Variants in EEF2 observed in about 807,000 individuals in gnomAD.
The protein encoded by EEF2 is elongation factor 2.
EEF2 carries 21 observed loss-of-function variants against 85.3 expected under a neutral mutation model. The ratio of observed to expected loss-of-function variants is 0.25; its 90% CI spans 0.17 to 0.35. The LOEUF is 0.35. Ranked by LOEUF, EEF2 falls within the 10% of genes least tolerant of loss-of-function variation. The probability of loss-of-function intolerance (pLI) is 1.00; values close to 1 mark genes in which losing one functional copy is unlikely to be tolerated. For synonymous variants in EEF2, 723 were observed against 508.8 expected (o/e 1.42, Z -5.67); for missense variants, 825 against 1,225.3 (o/e 0.67, Z 4.88).
intron 7 of EEF2, 22 bp downstream of exon 7, chr19:3,981,317 G>C (rs747163160): frequency 2.5e-6 from 4 of 1,609,758 alleles, no homozygotes; most frequent in Admixed American, 1.7e-5. Context: ...CCTCCACCCC[G>C]AGGGCTGGGC....
intron 1 of EEF2, chr19:3,984,797 G>A (rs993339454): frequency 1.0e-5 from 2 of 190,504 alleles, no homozygotes; most frequent in Non-Finnish European, 2.2e-5. Flanking sequence ...ACCCACCCCA[G>A]GAAATAACGG....
rs554759973 is a variant in EEF2 at position 3,982,646 on chromosome 19, G to C, written c.612+161C>G. On this transcript the variant is annotated intron_variant, in intron 4 of 14. Coordinates refer to ENST00000309311, the MANE Select transcript of EEF2 (RefSeq NM_001961.4). ...CTCTTCCAGCTGCCCAAAGATCAAGGGCTGGGTCAAGTCGGATGAAAACAT... is the reference window on the plus strand; with the variant it reads ...CTCTTCCAGCTGCCCAAAGATCAAGCGCTGGGTCAAGTCGGATGAAAACAT... The C allele has an allele frequency of 1.5e-5, 17 of 1,106,578 alleles. 1 individual carries two copies. The East Asian group carries it at 3.6e-4, about 23-fold the overall frequency. The allele number at this position is 1,106,578 out of a possible 1,614,324, so 68.5% of individuals were successfully genotyped here. A position where few individuals can be genotyped will look rare whatever the true frequency, so the allele number is the denominator to read the frequency against.
Position 3,978,038 on chromosome 19 carries a change from G to A in EEF2, c.1848C>T (p.Asp616=), listed in dbSNP as rs2039698914. The stretch of plus-strand genomic sequence containing the variant: ...GGGCGGACACCTCGCCTTTATCGAT[G>A]TCCTCGGCCAGGCCGTCGGGGAAGG... ...ARPFPDGLAE[D]IDKGEVSARQ... The change falls in exon 12 of 15, where the codon GAC becomes GAT. Residue 616 remains aspartate (D), a synonymous_variant. Transcript: ENST00000309311. 15 of 1,600,666 alleles carry A rather than the reference G, an allele frequency of 9.4e-6. No individual in the cohort carries two copies. The highest frequency in any genetic ancestry group is 1.2e-5 in the Non-Finnish European group (14 of 1,171,028).
At chr19:3,983,875 G>A (rs901178139) in intron 2 of EEF2, 4 of 526,904 alleles carry the variant, frequency 7.6e-6, no homozygotes, top group African/African-American at 1.9e-5. Context: ...AGATATTGTA[G>A]GAGTGGGGGC....
rs374419016 is a variant in EEF2, at chr19:3,979,836, C to T, written c.1577G>A (p.Arg526Gln). 1 of 1,613,638 alleles carries T rather than the reference C, an allele frequency of 6.2e-7. No individual in the cohort carries two copies. The highest frequency in any genetic ancestry group is 2.2e-5 in the East Asian group (1 of 44,878). Residue 526 changes from arginine (R) to glutamine (Q), a missense_variant, in exon 10 of 15, where the codon CGG becomes CAG. By Grantham distance (43) the Arg-to-Gln change is conservative. Transcript: ENST00000309311. ...CACCATGGGGTCGGACTTGGCCAGC[C>T]GCTTCAGCCCCTCCACCAGCTTGGG... ...DLPKLVEGLK[R>Q]LAKSDPMVQC...
rs2145356561 is a variant in EEF2 at position 3,977,837 on chromosome 19, G to A, written c.2049C>T (p.Phe683=). 1 of 1,587,438 alleles carries A rather than the reference G, an allele frequency of 6.3e-7. No homozygotes were observed. Among genetic ancestry groups the A allele is most frequent in the East Asian group, 2.3e-5 (1 of 44,262 alleles). The part of the protein sequence containing the change: ...NEIKDSVVAG[F]QWATKEGALC... ...GCCTCACCTCCTTGGTGGCCCACTG[G>A]AAGCCGGCCACCACACTGTCCTTGA... The change falls in exon 12 of 15, where the codon TTC becomes TTT. Residue 683 remains phenylalanine, a synonymous_variant. Transcript: ENST00000309311. This position sits in a 1 kb window ranked among gnomAD's most constrained non-coding sequence, Gnocchi z 5.4.
intron 1 of EEF2, among the ~76,000 whole-genome samples, 189 bp from the exon 2 acceptor site, chr19:3,984,539 C>G (rs992793283): frequency 1.3e-5 from 2 of 152,204 alleles, no homozygotes; most frequent in Non-Finnish European, 2.9e-5. Context: ...AAGGAACCAC[C>G]GTTAATAGGT....
At chr19:3,979,467 G>A (rs1327628297) in intron 10 of EEF2, 31 bp from the exon 11 acceptor site, 6 of 1,592,782 alleles carry the variant, frequency 3.8e-6, no homozygotes, top group Admixed American at 3.4e-5. Context: ...CACCAAAGGG[G>A]TAGGCGGCTC....
At chr19:3,981,513 C>T in intron 6 of EEF2, 61 bp from the exon 7 acceptor site, 2 of 1,471,734 alleles carry the variant, frequency 1.4e-6, no homozygotes, top group Non-Finnish European at 9.5e-7. Context: ...AAGCCTGGCA[C>T]TGCTTCCTGC....
In EEF2 at chr19:3,980,191, C is replaced by T. The variant is rs2039727718; in HGVS notation, c.1347-125G>A. On this transcript the variant is annotated intron_variant, in intron 9 of 14. Transcript: ENST00000309311. ...GGTCCCAGGGCAGACTGGTGGCTTCCACAAGGCCCTGACTGCTGCGTCGGG... is the reference window on the plus strand; with the variant it reads ...GGTCCCAGGGCAGACTGGTGGCTTCTACAAGGCCCTGACTGCTGCGTCGGG... 6 of 1,369,334 alleles carry T rather than the reference C, an allele frequency of 4.4e-6. No individual in the cohort carries two copies. In the South Asian group the frequency reaches 7.1e-5, roughly 16 times the overall value. The allele number at this position is 1,369,334 out of a possible 1,614,324, so 84.8% of individuals were successfully genotyped here.
Position 3,980,716 on chromosome 19 carries a change from G to A in EEF2, c.1151-7C>T, listed in dbSNP as rs200181170. 1.6e-3 allele frequency: 2,521 copies of A among 1,611,430 alleles called. 1 individual carries two copies. Among genetic ancestry groups the A allele is most frequent in the Non-Finnish European group, 2.0e-3 (2,366 of 1,178,046 alleles). On this transcript the variant is annotated splice_region_variant and splice_polypyrimidine_tract_variant and intron_variant, in intron 8 of 14. Coordinates refer to ENST00000309311, the MANE Select transcript of EEF2 (RefSeq NM_001961.4). ...GGGTCACAGCTTTTAATGCCTGAGG[G>A]ACAGAGAAAACCCGCAAGCTTTATT...
intron 5 of EEF2, 96 bp from the exon 6 acceptor site, chr19:3,982,148 T>G: frequency 6.3e-7 from 1 of 1,597,168 alleles, no homozygotes; most frequent in Non-Finnish European, 8.6e-7. Context: ...CAAGACCTGG[T>G]GGGCTTGAGC....
In EEF2 at chr19:3,978,271, A is replaced by G. The variant is rs374243613; in HGVS notation, c.1714-99T>C. On this transcript the variant is annotated intron_variant, in intron 11 of 14. Transcript: ENST00000309311. ...CTTTTCCTAGCAAGGCGGACCTCAT[A>G]CAGCCTGGTAGAGCCACGTCAATCA... 11 of 1,051,430 alleles carry G rather than the reference A, an allele frequency of 1.0e-5. No individual in the cohort carries two copies. The African/African-American group carries it at 1.4e-4, about 14-fold the overall frequency. The allele number at this position is 1,051,430 out of a possible 1,614,324, so 65.1% of individuals were successfully genotyped here.
At chr19:3,984,993 G>A (rs1196550613) in intron 1 of EEF2, 9 of 269,514 alleles carry the variant, frequency 3.3e-5, no homozygotes, top group Non-Finnish European at 5.6e-5. Context: ...ATTCCCTGCC[G>A]CCCCTAGTCC....
At chr19:3,981,536 G>C in intron 6 of EEF2, 84 bp from the exon 7 acceptor site, 1 of 1,281,598 alleles carries the variant, frequency 7.8e-7, no homozygotes, top group Non-Finnish European at 1.1e-6. Context: ...GGAAGACTCA[G>C]GTCAGCGCAG....
In EEF2 at chr19:3,976,286, G is replaced by C. The variant is rs948653556; in HGVS notation, c.*268C>G. 21 of 437,158 alleles carry C rather than the reference G, an allele frequency of 4.8e-5. No homozygotes were observed. In the Admixed American group the frequency reaches 8.2e-4, roughly 17 times the overall value. 27.1% of individuals were successfully genotyped at this position (437,158 alleles called of 1,614,324 possible). A position where few individuals can be genotyped will look rare whatever the true frequency, so the allele number is the denominator to read the frequency against. On this transcript the variant is annotated 3_prime_UTR_variant, in exon 15 of 15. Transcript: ENST00000309311. Reference sequence around the variant, plus strand: ...CTCTGAAGAAATGGAAAAAGTGTTGGGTGTCCCATCCCGCCTCCCCCTCCC... The same window carrying C: ...CTCTGAAGAAATGGAAAAAGTGTTGCGTGTCCCATCCCGCCTCCCCCTCCC...
At position 3,980,070 on chromosome 19, in the gene EEF2, G is replaced by C; in HGVS notation, c.1347-4C>G. ...GCGGCCCATCATCAAGATTGTTCTG[G>C]AAGAAGCAGAAGGCGGCAGCAGGCC... On this transcript the variant is annotated splice_region_variant and splice_polypyrimidine_tract_variant and intron_variant, in intron 9 of 14. Transcript: ENST00000309311. The C allele has an allele frequency of 6.2e-7, 1 of 1,610,214 alleles. No homozygotes were observed. Among genetic ancestry groups the C allele is most frequent in the East Asian group, 2.2e-5 (1 of 44,812 alleles).
rs778684403 is a variant in EEF2 at position 3,981,947 on chromosome 19, C to T, written c.897G>A (p.Lys299=). 5.6e-6 allele frequency: 9 copies of T among 1,613,832 alleles called. No individual in the cohort carries two copies. Among genetic ancestry groups the T allele is most frequent in the African/African-American group, 1.3e-5 (1 of 75,072 alleles). Residue 299 remains lysine, a splice_region_variant and synonymous_variant, in exon 6 of 15, where the codon AAG becomes AAA. Coordinates refer to ENST00000309311, the MANE Select transcript of EEF2 (RefSeq NM_001961.4). The part of the protein sequence containing the change: ...FCQLILDPIF[K]VFDAIMNFKK... ...GGTGCCTGGCGCAGCCCTCACTCAC[C>T]TTGAAGATGGGGTCCAGGATCAGCT...
intron 1 of EEF2, 52 bp downstream of exon 1, chr19:3,985,326 C>T: frequency 7.0e-7 from 1 of 1,421,150 alleles, no homozygotes; most frequent in Non-Finnish European, 9.3e-7. Flanking sequence ...AGCGTAGGCC[C>T]CGCGGAGGCC....
Sources: allele counts gnomAD v4.1 joint callset (sites outside exome capture counted in the v4.1 genomes callset), GRCh38; gene constraint gnomAD v4.1.1; non-coding constraint Gnocchi (gnomAD v3.1); transcripts MANE v1.5; gene names NCBI Gene and HGNC (gene_info 2026-07-23, HGNC 2026-07-21).